HMG20A: variants seen among roughly 807,000 people sequenced by gnomAD.
HMG20A encodes the protein high mobility group protein 20A.
A neutral mutation model predicts 43.9 loss-of-function variants in HMG20A; 17 were observed. That is an observed-to-expected ratio of 0.39 (90% CI 0.27 to 0.58). HMG20A has a LOEUF of 0.58. HMG20A is among the 20% of genes least tolerant of loss of function. The pLI is 0.59. For synonymous variants in HMG20A, 132 were observed against 147.5 expected, an observed-to-expected ratio of 0.89 and a Z score of 0.76; for missense variants, 341 against 438.2, an observed-to-expected ratio of 0.78 and a Z score of 1.98.
At chr15:77,445,428 G>A (rs1256173474) in intron 1 of HMG20A, among the ~76,000 whole-genome samples, 1 of 152,098 alleles carries the variant, frequency 6.6e-6, no homozygotes, top group Non-Finnish European at 1.5e-5. Flanking sequence ...TTATCCATGG[G>A]GGTACATCCC....
intron 1 of HMG20A, among the ~76,000 whole-genome samples, chr15:77,439,197 T>A (rs1039538995): frequency 6.6e-6 from 1 of 152,240 alleles, no homozygotes; most frequent in Non-Finnish European, 1.5e-5. Flanking sequence ...GGGCTGAGCC[T>A]TGGTTGTATG....
chr15:77,441,923 G>A (rs2073617157), intron 1 of HMG20A, among the ~76,000 whole-genome samples: 1 of 152,138 alleles, frequency 6.6e-6, no homozygotes, highest in Admixed American at 6.5e-5. Flanking sequence ...GAGCTTGAGA[G>A]TACCAATAAC....
chr15:77,440,582 A>C (rs1281696447), intron 1 of HMG20A, among the ~76,000 whole-genome samples: 1 of 152,188 alleles, frequency 6.6e-6, no homozygotes, highest in Non-Finnish European at 1.5e-5. Context: ...GTGAGTCAAC[A>C]TGGGGCTATG....
At chr15:77,504,298 A>G in the HMG20A span, among the ~76,000 whole-genome samples, 1 of 152,214 alleles carries the variant, frequency 6.6e-6, no homozygotes, top group Non-Finnish European at 1.5e-5. Context: ...CAGAGTGGCT[A>G]ATGAGCAGGG....
chr15:77,433,949 G>T (rs891992699), intron 1 of HMG20A, among the ~76,000 whole-genome samples: 4 of 152,180 alleles, frequency 2.6e-5, no homozygotes, highest in Non-Finnish European at 4.4e-5. Flanking sequence ...AGACAAACTT[G>T]AAGAACAAAG....
chr15:77,422,571 G>A (rs1039160875), intron 1 of HMG20A, among the ~76,000 whole-genome samples: 18 of 152,228 alleles, frequency 1.2e-4, no homozygotes, highest in African/African-American at 3.6e-4. Flanking sequence ...AGCCAAGATC[G>A]CTCCACTGCA....
At chr15:77,439,475 A>G in intron 1 of HMG20A, among the ~76,000 whole-genome samples, 1 of 152,160 alleles carries the variant, frequency 6.6e-6, no homozygotes, top group East Asian at 1.9e-4. Context: ...TGAGCTTCAT[A>G]TAAATATATT....
In HMG20A at chr15:77,476,091, T is replaced by C. The variant is rs540385112; in HGVS notation, c.616-1464T>C. Among the ~76,000 whole-genome samples, 4 of 152,336 alleles carry C rather than the reference T, an allele frequency of 2.6e-5. No homozygotes were observed. In the South Asian group the frequency reaches 8.3e-4, roughly 32 times the overall value. On this transcript the variant is annotated intron_variant, in intron 6 of 9. Coordinates refer to ENST00000336216, the MANE Select transcript of HMG20A (RefSeq NM_001304504.2). ...CCCCCTTACTAGGCGGCCACCGTTA[T>C]GAATACAGGAGCTCGGGTGTCAGAT...
chr15:77,483,865 G>C lies in HMG20A; in HGVS notation c.*902G>C, dbSNP rs2072925500. 6.6e-6 allele frequency: 1 copy of C among 152,324 alleles called. No homozygotes were observed. Among genetic ancestry groups the C allele is most frequent in the African/African-American group, 2.4e-5 (1 of 41,448 alleles). The allele number at this position is 152,324 out of a possible 1,614,324, so 9.4% of individuals were successfully genotyped here. ...GTACAAAGCCCTAAGTTTATTGTAA[G>C]TGAAAACTGAGGGAATTCCTGTCTT... is the stretch of plus-strand genomic sequence containing the variant. On this transcript the variant is annotated 3_prime_UTR_variant, in exon 10 of 10. Coordinates refer to ENST00000336216, the MANE Select transcript of HMG20A (RefSeq NM_001304504.2).
intron 1 of HMG20A, among the ~76,000 whole-genome samples, chr15:77,424,567 T>A (rs2073405661): frequency 1.3e-5 from 2 of 152,194 alleles, no homozygotes; most frequent in African/African-American, 4.8e-5. Context: ...ACCCCCAATC[T>A]TGCTTCTGCT....
In HMG20A at chr15:77,471,001, G is replaced by A. The variant is rs554549350; in HGVS notation, c.542G>A (p.Arg181Lys). The change falls in exon 5 of 10, where the codon AGG becomes AAG. Residue 181 changes from arginine (R) to lysine (K), a missense_variant. Arg to Lys is a conservative substitution (Grantham distance 26). Coordinates refer to ENST00000336216, the MANE Select transcript of HMG20A (RefSeq NM_001304504.2). ...QKTEAYKVFS[R>K]KTQDRQKGKS... ...ACAGAGGCCTACAAGGTCTTCAGTA[G>A]GAAAACCCAGGACCGTCAGAAAGGC... 2 of 1,612,982 alleles carry A rather than the reference G, an allele frequency of 1.2e-6. No individual in the cohort carries two copies. The highest frequency in any genetic ancestry group is 3.3e-5 in the Admixed American group (2 of 59,758).
chr15:77,505,914 A>G, the HMG20A span, among the ~76,000 whole-genome samples: 3 of 152,134 alleles, frequency 2.0e-5, no homozygotes, highest in African/African-American at 7.2e-5. Context: ...TCAAAATGCA[A>G]CCATTCCATC....
chr15:77,517,604 C>A, the HMG20A span, among the ~76,000 whole-genome samples: 1 of 151,510 alleles, frequency 6.6e-6, no homozygotes, highest in African/African-American at 2.4e-5. Flanking sequence ...CAATTTCACT[C>A]TTTCTGTTGA....
chr15:77,424,283 C>G (rs2073402521), intron 1 of HMG20A, among the ~76,000 whole-genome samples: 1 of 152,174 alleles, frequency 6.6e-6, no homozygotes, highest in African/African-American at 2.4e-5. Flanking sequence ...ATACATGTAT[C>G]ATTTTCCTAC....
rs879011940 is a variant in HMG20A, at chr15:77,464,186, C to T, written c.90-54C>T. ...TGCTGGCAGGGAAATTTATCTAGAA[C>T]CTTAGTAAATAGGTGGAGTTTTTGT... On this transcript the variant is annotated intron_variant, in intron 2 of 9. Transcript: ENST00000336216. 1.3e-5 allele frequency: 21 copies of T among 1,590,682 alleles called. No homozygotes were observed. In the East Asian group the frequency reaches 1.4e-4, roughly 10 times the overall value.
chr15:77,497,460 C>T, the HMG20A span, among the ~76,000 whole-genome samples: 2 of 152,220 alleles, frequency 1.3e-5, no homozygotes, highest in East Asian at 3.9e-4. Flanking sequence ...GTGGAAGCTG[C>T]AACTGCTCCC....
intron 4 of HMG20A, among the ~76,000 whole-genome samples, chr15:77,468,333 T>C (rs867896130): frequency 6.6e-6 from 1 of 152,232 alleles, no homozygotes. Context: ...ATAACAGTGC[T>C]TATTTCTTGG....
the HMG20A span, among the ~76,000 whole-genome samples, chr15:77,503,745 G>T: frequency 1.3e-4 from 20 of 152,274 alleles, no homozygotes; most frequent in Middle Eastern, 3.4e-3. Context: ...CTCCAACTTG[G>T]GTCTTTAAAT....
At chr15:77,496,496 T>C in the HMG20A span, among the ~76,000 whole-genome samples, 2 of 152,226 alleles carry the variant, frequency 1.3e-5, no homozygotes, top group African/African-American at 4.8e-5. Context: ...GTATTTCTGA[T>C]CACTTGTAAT....
Sources: allele counts gnomAD v4.1 joint callset (sites outside exome capture counted in the v4.1 genomes callset), GRCh38; gene constraint gnomAD v4.1.1; transcripts MANE v1.5; gene names NCBI Gene and HGNC (gene_info 2026-07-23, HGNC 2026-07-21).